The following HUWE1 variants were observed in gnomAD, a reference collection of about 807,000 sequenced individuals.
The protein encoded by HUWE1 is HECT, UBA and WWE domain containing E3 ubiquitin protein ligase 1, also known as E3 ubiquitin-protein ligase HUWE1.
A neutral mutation model predicts 299.4 loss-of-function variants in HUWE1; 18 were observed. The ratio of observed to expected loss-of-function variants is 0.06; its 90% CI spans 0.04 to 0.09. HUWE1 has a LOEUF of 0.09. Ranked by LOEUF, HUWE1 falls within the 10% of genes least tolerant of loss-of-function variation. The pLI, the probability that HUWE1 is intolerant of heterozygous loss-of-function variation, is 1.00. For missense variants in HUWE1, 1,832 were observed against 3,462.3 expected, an observed-to-expected ratio of 0.53 and a Z score of 11.82; for synonymous variants, 1,317 against 1,286.1, an observed-to-expected ratio of 1.02 and a Z score of -0.51.
chrX:53,568,623 C>T, intron 49 of HUWE1, 69 bp downstream of exon 49: 3 of 1,049,238 alleles, frequency 2.9e-6, no homozygotes, highest in South Asian at 4.1e-5. Flanking sequence ...ACTACACCAG[C>T]TACCTCCACA....
intron 47 of HUWE1, among the ~76,000 whole-genome samples, chrX:53,571,091 TC>T (rs2062803500): frequency 1.8e-5 from 2 of 112,177 alleles, no homozygotes; most frequent in Non-Finnish European, 3.8e-5. Flanking sequence ...GTTACTTACC[TC>T]TTTGAGCCTT....
intron 3 of HUWE1, among the ~76,000 whole-genome samples, chrX:53,671,800 A>AT (rs2069556166): frequency 9.2e-6 from 1 of 108,713 alleles, no homozygotes; most frequent in East Asian, 2.9e-4. Context: ...TCAAAAAAAA[A>AT]AAAAAAAAAA....
chrX:53,571,636 G>A (rs1195539908), intron 47 of HUWE1, among the ~76,000 whole-genome samples: 1 of 111,590 alleles, frequency 9.0e-6, no homozygotes, highest in Non-Finnish European at 1.9e-5. Flanking sequence ...TAGGACTTAT[G>A]TCCAGAATAT....
At chrX:53,592,144 A>C (rs1226350935) in intron 33 of HUWE1, among the ~76,000 whole-genome samples, 1 of 112,239 alleles carries the variant, frequency 8.9e-6, no homozygotes, top group Non-Finnish European at 1.9e-5. Flanking sequence ...GTTTGCCTCC[A>C]CTGAGGCAGC....
In HUWE1 at chrX:53,532,612, C is replaced by T. The variant is rs782258128; in HGVS notation, c.*697G>A. 2 of 109,912 alleles carry T rather than the reference C, an allele frequency of 1.8e-5. No individual in the cohort carries two copies. Among genetic ancestry groups the T allele is most frequent in the Non-Finnish European group, 3.8e-5 (2 of 52,763 alleles). 9.1% of individuals were successfully genotyped at this position (109,912 alleles called of 1,213,427 possible). On this transcript the variant is annotated 3_prime_UTR_variant, in exon 84 of 84. Transcript: ENST00000262854. ...AATTCCTGGTGAACTGCTCATCTCT[C>T]CTGACTGCAGAAACTGACTCTGAAG...
intron 3 of HUWE1, among the ~76,000 whole-genome samples, chrX:53,679,310 T>C (rs1412223876): frequency 1.8e-5 from 2 of 112,323 alleles, no homozygotes; most frequent in East Asian, 2.8e-4. Flanking sequence ...TAAAAAAAAA[T>C]CAGAAATCTG....
In HUWE1 at chrX:53,575,056, A is replaced by G. The variant is rs974918478; in HGVS notation, c.6097+99T>C. On this transcript the variant is annotated intron_variant, in intron 46 of 83. Coordinates refer to ENST00000262854, the MANE Select transcript of HUWE1 (RefSeq NM_031407.7). ...CTTAGACCAGTAAACGTAATAATTA[A>G]GTCTGTATTCTCCTACCCCCTGCAC... The G allele has an allele frequency of 1.8e-5, 11 of 603,727 alleles. No homozygotes were observed. In the South Asian group the frequency reaches 2.4e-4, roughly 13 times the overall value. 49.8% of individuals were successfully genotyped at this position (603,727 alleles called of 1,213,427 possible).
At position 53,536,642 on chromosome X, in the gene HUWE1, C is replaced by T. The variant is rs782794318; in HGVS notation, c.12163G>A (p.Gly4055Arg). 8.3e-7 allele frequency: 1 copy of T among 1,209,214 alleles called. No individual in the cohort carries two copies. Among genetic ancestry groups the T allele is most frequent in the Non-Finnish European group, 1.1e-6 (1 of 893,489 alleles). The stretch of plus-strand genomic sequence containing the variant: ...CGCAGGAGCCCACCAGCATCCTGCC[C>T]TTCTTCTCCTTCAAATACTATATAC... ...RLYIVFEGEE[G>R]QDAGGLLREW... Residue 4055 changes from glycine (G) to arginine (R), a missense_variant, in exon 79 of 84, where the codon GGG becomes AGG. Physicochemically the swap from Gly to Arg is moderately radical, Grantham distance 125. Transcript: ENST00000262854.
intron 49 of HUWE1, among the ~76,000 whole-genome samples, chrX:53,565,955 A>G (rs1231534644): frequency 2.8e-5 from 3 of 107,795 alleles, no homozygotes; most frequent in East Asian, 2.9e-4. Context: ...GAGTTCAATA[A>G]AAGTACAATA....
In HUWE1 at chrX:53,586,931, A is replaced by T. The variant is rs782082796; in HGVS notation, c.4615-22T>A. On this transcript the variant is annotated intron_variant, in intron 37 of 83. Transcript: ENST00000262854. ...ACTCCTGATAGATCAAAGGGAAAAA[A>T]CAACAACAACCAGATACCAATTTCT... The T allele has an allele frequency of 3.3e-6, 4 of 1,208,756 alleles. No homozygotes were observed. In the Admixed American group the frequency reaches 8.7e-5, roughly 26 times the overall value.
chrX:53,636,297 A>G lies in HUWE1; in HGVS notation c.505-1999T>C, dbSNP rs782457167. ...GCCCACACCTTCACAAAAACAGTGA[A>G]TAAACTGACTGTCGGAATTCAAGTC... On this transcript the variant is annotated intron_variant, in intron 7 of 83. Transcript: ENST00000262854. 1.7e-4 allele frequency among the ~76,000 whole-genome samples: 19 copies of G among 113,258 alleles called. No individual in the cohort carries two copies. The South Asian group carries it at 6.5e-3, about 39-fold the overall frequency.
chrX:53,676,803 T>C (rs781787634), intron 3 of HUWE1, among the ~76,000 whole-genome samples: 3 of 111,993 alleles, frequency 2.7e-5, no homozygotes, highest in Non-Finnish European at 5.6e-5. Flanking sequence ...CATAGTTATA[T>C]ATACACTTAT....
intron 22 of HUWE1, among the ~76,000 whole-genome samples, chrX:53,615,089 C>T (rs1557006105): frequency 9.2e-6 from 1 of 108,415 alleles, no homozygotes; most frequent in African/African-American, 3.4e-5. Context: ...GGGTGGGGGG[C>T]AGCCACAGGG....
Position 53,592,392 on chromosome X carries a change from C to T in HUWE1, c.3972+6G>A, listed in dbSNP as rs782293303. 4 of 1,187,601 alleles carry T rather than the reference C, an allele frequency of 3.4e-6. No individual in the cohort carries two copies. In the South Asian group the frequency reaches 7.1e-5, roughly 21 times the overall value. ...TGGACCCTGGAGTGTGAGGCCAGTACCCTACCTGTTGCAGTTGTTGCTGGT... is the reference window on the plus strand; with the variant it reads ...TGGACCCTGGAGTGTGAGGCCAGTATCCTACCTGTTGCAGTTGTTGCTGGT... On this transcript the variant is annotated splice_donor_region_variant and intron_variant, in intron 33 of 83. Transcript: ENST00000262854.
intron 76 of HUWE1, 141 bp from the exon 77 acceptor site, chrX:53,538,595 C>A: frequency 1.8e-6 from 1 of 555,069 alleles, no homozygotes; most frequent in Admixed American, 2.8e-5. Context: ...CAAGGGCCAG[C>A]CCTTGAGGTG....
intron 60 of HUWE1, among the ~76,000 whole-genome samples, chrX:53,555,839 G>A (rs967171289): frequency 2.7e-4 from 29 of 107,674 alleles, no homozygotes; most frequent in African/African-American, 9.1e-4. Context: ...GCGGGGTTTC[G>A]CCGTGTTGGC....
At chrX:53,673,477 G>A (rs782334132) in intron 3 of HUWE1, among the ~76,000 whole-genome samples, 54 of 111,531 alleles carry the variant, frequency 4.8e-4, no homozygotes, top group Middle Eastern at 9.3e-3. Context: ...ACAATTTCTC[G>A]TATAAATTTA....
intron 6 of HUWE1, among the ~76,000 whole-genome samples, chrX:53,646,155 G>C (rs189195187): frequency 1.4e-4 from 15 of 110,550 alleles, no homozygotes. Flanking sequence ...GACTACTCTG[G>C]ATTTTGTTGT....
intron 40 of HUWE1, 106 bp from the exon 41 acceptor site, chrX:53,584,451 T>C (rs2063764937): frequency 4.5e-6 from 3 of 660,289 alleles, no homozygotes; most frequent in Non-Finnish European, 7.0e-6. Flanking sequence ...AGGAAGGAAC[T>C]CTGGCAATTT....
Sources: gnomAD v4.1 joint callset for allele counts (sites outside exome capture counted in the v4.1 genomes callset) on GRCh38, gnomAD v4.1.1 for gene constraint, MANE v1.5 for transcripts, NCBI Gene and HGNC (gene_info 2026-07-23, HGNC 2026-07-21) for gene names.